Variants in PLA2G4A observed in about 807,000 individuals in gnomAD.
PLA2G4A encodes phospholipase A2 group IVA, also known as cytosolic phospholipase A2.
In PLA2G4A, 40 loss-of-function variants were observed where a neutral mutation model predicts 81.9. That is an observed-to-expected ratio of 0.49 (90% confidence interval 0.38 to 0.64). The LOEUF is 0.64. Among genes scored for constraint, PLA2G4A ranks in the 30% least tolerant of loss-of-function variants. The pLI, the probability that PLA2G4A is intolerant of heterozygous loss-of-function variation, is 0.00. For missense variants in PLA2G4A, 715 were observed against 905.1 expected (o/e 0.79, Z 2.69); for synonymous variants, 302 against 296.9 (o/e 1.02, Z -0.18).
intron 17 of PLA2G4A, among the ~76,000 whole-genome samples, chr1:186,982,671 T>TTGTGTGTGTG (rs60587210): frequency 1.3e-5 from 2 of 150,782 alleles, no homozygotes; most frequent in Non-Finnish European, 3.0e-5. Flanking sequence ...TAACTCCTCT[T>TTGTGTGTGTG]TGTGTGTGTG....
intron 7 of PLA2G4A, among the ~76,000 whole-genome samples, chr1:186,926,161 A>G (rs1655540267): frequency 1.3e-5 from 2 of 152,172 alleles, no homozygotes; most frequent in Non-Finnish European, 2.9e-5. Context: ...TCTTTTCAAA[A>G]AGTAAGTTTC....
chr1:186,978,613 A>G (rs1357954164), intron 16 of PLA2G4A, among the ~76,000 whole-genome samples: 1 of 152,228 alleles, frequency 6.6e-6, no homozygotes, highest in African/African-American at 2.4e-5. Context: ...AGAGCACATG[A>G]AACCCAGTGA....
At chr1:186,839,575 T>C (rs1651904651) in intron 1 of PLA2G4A, among the ~76,000 whole-genome samples, 1 of 152,208 alleles carries the variant, frequency 6.6e-6, no homozygotes, top group Non-Finnish European at 1.5e-5. Flanking sequence ...TTTACTAATG[T>C]ATTTTTGGCA....
intron 17 of PLA2G4A, among the ~76,000 whole-genome samples, chr1:186,986,122 T>A (rs1324755483): frequency 2.6e-5 from 4 of 151,962 alleles, no homozygotes; most frequent in Non-Finnish European, 2.9e-5. Context: ...TAACTTGGGG[T>A]TTTCAGAGTT....
intron 16 of PLA2G4A, 42 bp from the exon 17 acceptor site, chr1:186,979,273 A>G (rs971521401): frequency 2.7e-6 from 4 of 1,457,420 alleles, no homozygotes; most frequent in Non-Finnish European, 3.9e-6. Flanking sequence ...GATATTTTGT[A>G]GTTTTCAAAA....
intron 3 of PLA2G4A, among the ~76,000 whole-genome samples, chr1:186,875,704 G>GAT (rs1653468360): frequency 6.6e-6 from 1 of 152,036 alleles, no homozygotes; most frequent in Non-Finnish European, 1.5e-5. Flanking sequence ...TGTGATATTT[G>GAT]TGATCCATCT....
At chr1:186,906,044 T>G (rs1032609838) in intron 5 of PLA2G4A, among the ~76,000 whole-genome samples, 4 of 152,354 alleles carry the variant, frequency 2.6e-5, no homozygotes, top group Admixed American at 1.3e-4. Context: ...AAGAGGTATA[T>G]CCTAGTTCTG....
At chr1:186,831,936 G>C (rs1651605468) in intron 1 of PLA2G4A, among the ~76,000 whole-genome samples, 1 of 139,046 alleles carries the variant, frequency 7.2e-6, no homozygotes, top group Non-Finnish European at 1.5e-5. Flanking sequence ...TCATTCATGA[G>C]ATGCATTGTT....
chr1:186,892,141 T>C (rs1297128518), intron 3 of PLA2G4A, among the ~76,000 whole-genome samples: 1 of 152,186 alleles, frequency 6.6e-6, no homozygotes, highest in Non-Finnish European at 1.5e-5. Flanking sequence ...GTTACATTAT[T>C]AGATGTTTTT....
At chr1:186,844,801 G>A (rs759464232) in intron 1 of PLA2G4A, among the ~76,000 whole-genome samples, 39 of 152,192 alleles carry the variant, frequency 2.6e-4, no homozygotes, top group Non-Finnish European at 4.3e-4. Flanking sequence ...AAAATTTATT[G>A]TTGTATATGA....
intron 7 of PLA2G4A, among the ~76,000 whole-genome samples, chr1:186,932,326 T>C (rs1192330951): frequency 6.6e-6 from 1 of 151,198 alleles, no homozygotes; most frequent in Admixed American, 6.6e-5. Context: ...GATGGAGTCT[T>C]GCTCTGTTGC....
intron 17 of PLA2G4A, among the ~76,000 whole-genome samples, chr1:186,986,752 A>G (rs1239430538): frequency 6.6e-6 from 1 of 152,210 alleles, no homozygotes; most frequent in Admixed American, 6.5e-5. Context: ...TTAGTACATT[A>G]TTTCCATTTT....
chr1:186,914,198 T>C (rs1019149547), intron 7 of PLA2G4A, among the ~76,000 whole-genome samples: 5 of 152,144 alleles, frequency 3.3e-5, no homozygotes, highest in African/African-American at 1.2e-4. Flanking sequence ...TAAGTGATCC[T>C]CTTGCCTCAG....
At chr1:186,898,340 G>C (rs1654414376) in intron 5 of PLA2G4A, among the ~76,000 whole-genome samples, 2 of 152,136 alleles carry the variant, frequency 1.3e-5, no homozygotes, top group South Asian at 4.1e-4. Context: ...TGTGTAAACA[G>C]ACAGATAATA....
At chr1:186,956,713 C>T (rs578240630) in intron 14 of PLA2G4A, among the ~76,000 whole-genome samples, 2 of 152,102 alleles carry the variant, frequency 1.3e-5, no homozygotes, top group African/African-American at 2.4e-5. Context: ...AGGTTTTTGC[C>T]GTGTTGCCCA....
At chr1:186,931,470 C>T (rs1655740647) in intron 7 of PLA2G4A, among the ~76,000 whole-genome samples, 2 of 151,744 alleles carry the variant, frequency 1.3e-5, no homozygotes, top group African/African-American at 4.8e-5. Context: ...CTAATAAGAT[C>T]TGGCCTCTGC....
chr1:186,843,672 C>T (rs1054545179), intron 1 of PLA2G4A, among the ~76,000 whole-genome samples: 2 of 152,154 alleles, frequency 1.3e-5, no homozygotes, highest in Admixed American at 6.5e-5. Context: ...CCCTGAATGA[C>T]AGGCGGACAT....
intron 7 of PLA2G4A, among the ~76,000 whole-genome samples, chr1:186,922,462 C>G (rs1655385707): frequency 6.6e-6 from 1 of 152,180 alleles, no homozygotes; most frequent in Non-Finnish European, 1.5e-5. Flanking sequence ...TGTTCAGCCA[C>G]TGTGTTGATC....
At chr1:186,879,789 C>T (rs567965520) in intron 3 of PLA2G4A, among the ~76,000 whole-genome samples, 1 of 150,250 alleles carries the variant, frequency 6.7e-6, no homozygotes, top group South Asian at 2.1e-4. Context: ...TATGTACTGT[C>T]TTTATTTTAA....
Sources: gnomAD v4.1 joint callset for allele counts (sites outside exome capture counted in the v4.1 genomes callset) on GRCh38, gnomAD v4.1.1 for gene constraint, MANE v1.5 for transcripts, NCBI Gene and HGNC (gene_info 2026-07-23, HGNC 2026-07-21) for gene names.